The following SPG7 variants were observed in gnomAD, a reference collection of about 807,000 sequenced individuals.
SPG7 encodes SPG7 matrix AAA peptidase subunit, paraplegin, also known as mitochondrial inner membrane m-AAA protease component paraplegin.
A neutral mutation model predicts 81.9 loss-of-function variants in SPG7; 103 were observed. The ratio of observed to expected loss-of-function variants is 1.26; its 90% CI spans 1.07 to 1.48. The LOEUF (loss-of-function observed/expected upper bound fraction) is 1.48. SPG7 is among the 40% of genes most tolerant of loss of function. The pLI is 0.00. For synonymous variants in SPG7, 534 were observed against 444.2 expected, an observed-to-expected ratio of 1.20 and a Z score of -2.54; for missense variants, 1,241 against 1,087.3, an observed-to-expected ratio of 1.14 and a Z score of -1.99.
At position 89,524,240 on chromosome 16, in the gene SPG7, G is replaced by T; in HGVS notation, c.611G>T (p.Gly204Val). ...VYLHPGAVVF[G>V]RPRLALMYRM... The stretch of plus-strand genomic sequence containing the variant: ...CTGCACCCTGGAGCCGTGGTGTTTG[G>T]GCGGCCTGTGAGTGAGGGTGCGGGA... The change falls in exon 4 of 17, where the codon GGG (glycine) becomes GTG (valine). Residue 204 changes from glycine (G) to valine (V), a missense_variant. By Grantham distance (109) the Gly-to-Val change is moderately radical. Coordinates refer to ENST00000645818, the MANE Select transcript of SPG7 (RefSeq NM_003119.4). The T allele has an allele frequency of 6.2e-7, 1 of 1,610,706 alleles. No individual in the cohort carries two copies. Among genetic ancestry groups the T allele is most frequent in the Non-Finnish European group, 8.5e-7 (1 of 1,178,330 alleles).
chr16:89,518,961 A>G lies in SPG7; in HGVS notation c.377-5045A>G, dbSNP rs1597613782. The G allele has an allele frequency of 3.3e-5, 5 of 152,012 alleles. 1 individual carries two copies. The highest frequency in any genetic ancestry group is 3.3e-4 in the Admixed American group (5 of 15,248). 9.4% of individuals were successfully genotyped at this position (152,012 alleles called of 1,614,324 possible). ...ACCCCTGGAAGCAGGGGGACAAGGT[A>G]TTGCTCTGCGTCATTTATTTTTATT... is the stretch of plus-strand genomic sequence containing the variant. On this transcript the variant is annotated intron_variant, in intron 3 of 16. Transcript: ENST00000645818.
At chr16:89,555,792 G>A (rs1039681797) in intron 16 of SPG7, 1 of 398,356 alleles carries the variant, frequency 2.5e-6, no homozygotes, top group Non-Finnish European at 4.4e-6. Flanking sequence ...CAGGAGAGGT[G>A]CACGGCTCTT....
At chr16:89,554,677 T>A in intron 16 of SPG7, 114 bp downstream of exon 16, 2 of 736,880 alleles carry the variant, frequency 2.7e-6, no homozygotes, top group Non-Finnish European at 4.7e-6. Flanking sequence ...CAGAGAACAC[T>A]CTGACCGATG....
chr16:89,547,595 T>A, intron 11 of SPG7: 1 of 275,672 alleles, frequency 3.6e-6, no homozygotes, highest in Non-Finnish European at 7.1e-6. Context: ...CTTTTCCCTC[T>A]TTGTTCTTCC....
rs200305354 is a variant in SPG7, at chr16:89,510,472, T to G, written c.184-18T>G. ...AATGTTGGTGTGACCTCCAGTATTG[T>G]TTTTTTTTTTTTTTCAGAGCTTACA... On this transcript the variant is annotated intron_variant, in intron 1 of 16. Transcript: ENST00000645818. 52 of 253,544 alleles carry G rather than the reference T, an allele frequency of 2.1e-4. No homozygotes were observed. The highest frequency in any genetic ancestry group is 4.5e-4 in the East Asian group (1 of 2,226). The allele number at this position is 253,544 out of a possible 1,614,324, so 15.7% of individuals were successfully genotyped here. A position where few individuals can be genotyped will look rare whatever the true frequency, so the allele number is the denominator to read the frequency against.
chr16:89,544,829 G>T, intron 10 of SPG7, 57 bp downstream of exon 10: 3 of 1,606,020 alleles, frequency 1.9e-6, no homozygotes, highest in Non-Finnish European at 2.6e-6. Flanking sequence ...CACTCGCTCT[G>T]AGTGGTCTGG....
intron 9 of SPG7, among the ~76,000 whole-genome samples, chr16:89,535,440 C>T (rs775228404): frequency 1.3e-5 from 2 of 152,174 alleles, no homozygotes; most frequent in Admixed American, 6.5e-5. Context: ...ACGACGTTTG[C>T]GGAGAATGCT....
intron 9 of SPG7, chr16:89,537,719 T>C (rs751310207): frequency 1.1e-4 from 105 of 983,508 alleles, no homozygotes; most frequent in Non-Finnish European, 1.2e-4. Flanking sequence ...CATCAGCATG[T>C]GAGCTTGGCA....
chr16:89,530,877 C>T (rs2058332538), intron 7 of SPG7, 69 bp downstream of exon 7: 1 of 1,602,420 alleles, frequency 6.2e-7, no homozygotes, highest in South Asian at 1.1e-5. Flanking sequence ...CAGAAGGGCT[C>T]CTGCGGGACC....
At chr16:89,533,995 G>A (rs1291259033) in intron 9 of SPG7, among the ~76,000 whole-genome samples, 12 of 152,124 alleles carry the variant, frequency 7.9e-5, no homozygotes, top group Non-Finnish European at 1.6e-4. Flanking sequence ...ACAACACAGC[G>A]AGACCCTGTC....
intron 2 of SPG7, among the ~76,000 whole-genome samples, chr16:89,511,800 G>T (rs1311332548): frequency 6.6e-6 from 1 of 152,152 alleles, no homozygotes; most frequent in Non-Finnish European, 1.5e-5. Flanking sequence ...ACTCACTGCA[G>T]CTTCAACCTC....
Position 89,536,477 on chromosome 16 carries a change from C to T in SPG7, c.1324+3841C>T, listed in dbSNP as rs1442145183. Among the ~76,000 whole-genome samples, 8 of 40,360 alleles carry T rather than the reference C, an allele frequency of 2.0e-4. 2 individuals are homozygous for T. The highest frequency in any genetic ancestry group is 5.5e-4 in the Admixed American group (2 of 3,614). 26.5% of individuals were successfully genotyped at this position (40,360 alleles called of 152,430 possible). On this transcript the variant is annotated intron_variant, in intron 9 of 16. Coordinates refer to ENST00000645818, the MANE Select transcript of SPG7 (RefSeq NM_003119.4). Reference sequence around the variant, plus strand: ...GGTGAGGCGGGTGAGGCGGGTGAGGCGGGTGAGGTCAGGTGAGGCAGGTGA... The same window carrying T: ...GGTGAGGCGGGTGAGGCGGGTGAGGTGGGTGAGGTCAGGTGAGGCAGGTGA...
intron 3 of SPG7, among the ~76,000 whole-genome samples, chr16:89,513,666 TCAGACTCA>T (rs2058051940): frequency 6.6e-6 from 1 of 152,140 alleles, no homozygotes; most frequent in South Asian, 2.1e-4. Context: ...AGGCTCAGCT[TCAGACTCA>T]CAGCCCCAGG....
In SPG7 at chr16:89,523,986, T is replaced by A; in HGVS notation, c.377-20T>A. 6.2e-7 allele frequency: 1 copy of A among 1,610,582 alleles called. No homozygotes were observed. The highest frequency in any genetic ancestry group is 1.1e-5 in the South Asian group (1 of 91,042). ...TTGCTCATGTGTTTGTTTCTCCCTT[T>A]TGCTTCTCTGCCGGCTCAGAGGAGA... On this transcript the variant is annotated intron_variant, in intron 3 of 16. Coordinates refer to ENST00000645818, the MANE Select transcript of SPG7 (RefSeq NM_003119.4).
At chr16:89,534,855 C>G (rs142230282) in intron 9 of SPG7, among the ~76,000 whole-genome samples, 1 of 152,228 alleles carries the variant, frequency 6.6e-6, no homozygotes, top group Non-Finnish European at 1.5e-5. Flanking sequence ...TTCCGCCCCC[C>G]CGATGTGGAT....
intron 13 of SPG7, chr16:89,552,459 C>T (rs897408862): frequency 1.2e-5 from 2 of 173,910 alleles, no homozygotes; most frequent in Non-Finnish European, 2.5e-5. Flanking sequence ...CTGGGCCAGC[C>T]CCTGCCCCGT....
chr16:89,546,782 T>C, intron 11 of SPG7, 22 bp downstream of exon 11: 1 of 1,536,050 alleles, frequency 6.5e-7, no homozygotes, highest in Non-Finnish European at 9.0e-7. Flanking sequence ...ACCCGCAGCC[T>C]GGGCAGCGTC....
chr16:89,538,468 T>C (rs1472384676), intron 9 of SPG7: 2 of 151,772 alleles, frequency 1.3e-5, no homozygotes, highest in African/African-American at 2.4e-5. Context: ...GGGCCGGCAG[T>C]GTGGCTTATT....
chr16:89,550,538 G>T lies in SPG7; in HGVS notation c.1708G>T (p.Val570Leu), dbSNP rs772019065. The T allele has an allele frequency of 6.2e-7, 1 of 1,614,074 alleles. No homozygotes were observed. Among genetic ancestry groups the T allele is most frequent in the Admixed American group, 1.7e-5 (1 of 60,032 alleles). The change falls in exon 13 of 17, where the codon GTG becomes TTG. Residue 570 changes from valine to leucine, a missense_variant. Transcript: ENST00000645818. ...SKILSKEEQK[V>L]VAFHESGHAL... ...GATCCTGTCCAAGGAAGAACAGAAA[G>T]TGGTTGCGTTTCATGAGTCGGGCCA...
Sources: gnomAD v4.1 joint callset for allele counts (sites outside exome capture counted in the v4.1 genomes callset) on GRCh38, gnomAD v4.1.1 for gene constraint, MANE v1.5 for transcripts, NCBI Gene and HGNC (gene_info 2026-07-23, HGNC 2026-07-21) for gene names.